The following CNTN5 variants were observed in gnomAD, a reference collection of about 807,000 sequenced individuals.
CNTN5 encodes contactin-5.
A neutral mutation model predicts 129.1 loss-of-function variants in CNTN5; 77 were observed. The observed-to-expected ratio is 0.60, with a 90% CI of 0.50 to 0.72. The LOEUF (loss-of-function observed/expected upper bound fraction) is 0.72. Ranked by LOEUF, CNTN5 falls within the 30% of genes least tolerant of loss-of-function variation. The probability of loss-of-function intolerance (pLI) is 0.00; values close to 1 mark genes in which losing one functional copy is unlikely to be tolerated. For missense variants in CNTN5, 1,478 were observed against 1,328.8 expected (o/e 1.11, Z -1.75); for synonymous variants, 509 against 465.6 (o/e 1.09, Z -1.20).
intron 16 of CNTN5, among the ~76,000 whole-genome samples, chr11:100,239,775 A>C (rs1045929921): frequency 6.6e-6 from 1 of 152,206 alleles, no homozygotes; most frequent in African/African-American, 2.4e-5. Flanking sequence ...AATCTCAAGA[A>C]AAGGAAATAT....
chr11:100,125,401 T>C (rs1946151928), intron 13 of CNTN5, among the ~76,000 whole-genome samples: 2 of 152,112 alleles, frequency 1.3e-5, no homozygotes, highest in African/African-American at 4.8e-5. Flanking sequence ...TTGCCACTTA[T>C]AAGTGAAAAC....
rs1010305807 is a variant in CNTN5 at position 100,356,344 on chromosome 11, T to C, written c.*124T>C. The stretch of plus-strand genomic sequence containing the variant: ...AGCTTTAAAAACTTGGGACTATACA[T>C]GGTGAACTTACAGGAGGTTAGGGGG... On this transcript the variant is annotated 3_prime_UTR_variant, in exon 25 of 25. Coordinates refer to ENST00000524871, the MANE Select transcript of CNTN5 (RefSeq NM_014361.4). The C allele has an allele frequency of 1.4e-6, 1 of 697,238 alleles. No homozygotes were observed. Among genetic ancestry groups the C allele is most frequent in the Admixed American group, 2.2e-5 (1 of 44,650 alleles). 43.2% of individuals were successfully genotyped at this position (697,238 alleles called of 1,614,324 possible). A position where few individuals can be genotyped will look rare whatever the true frequency, so the allele number is the denominator to read the frequency against.
At chr11:99,620,553 A>T (rs1475695193) in intron 3 of CNTN5, among the ~76,000 whole-genome samples, 1 of 150,394 alleles carries the variant, frequency 6.6e-6, no homozygotes, top group Non-Finnish European at 1.5e-5. Flanking sequence ...TGAAAAGTAA[A>T]ATGAATAAAT....
intron 1 of CNTN5, among the ~76,000 whole-genome samples, chr11:99,320,835 G>A (rs575160237): frequency 6.6e-6 from 1 of 152,164 alleles, no homozygotes; most frequent in East Asian, 1.9e-4. Context: ...ACATTATTTT[G>A]GGTGTGTCTG....
At chr11:99,498,414 G>A (rs965462265) in intron 2 of CNTN5, among the ~76,000 whole-genome samples, 1 of 152,048 alleles carries the variant, frequency 6.6e-6, no homozygotes, top group East Asian at 1.9e-4. Flanking sequence ...TATTGTAATT[G>A]TTTCCAACTA....
intron 4 of CNTN5, among the ~76,000 whole-genome samples, chr11:99,841,471 T>G (rs11828883): frequency 0.044 from 6,637 of 152,078 alleles, 370 homozygotes; most frequent in East Asian, 0.13. Flanking sequence ...GTTTTCAGCT[T>G]GCAATTAGAA....
intron 2 of CNTN5, among the ~76,000 whole-genome samples, chr11:99,407,844 G>C (rs1400643468): frequency 6.6e-6 from 1 of 152,126 alleles, no homozygotes; most frequent in Non-Finnish European, 1.5e-5. Context: ...TCTATAACAA[G>C]GGCAGCACTG....
chr11:99,957,102 T>A, intron 8 of CNTN5, 93 bp downstream of exon 8: 1 of 1,099,680 alleles, frequency 9.1e-7, no homozygotes, highest in East Asian at 2.6e-5. Flanking sequence ...ACCTGGAACT[T>A]ACAAATAAAA....
At chr11:99,950,834 A>G (rs1469605395) in intron 7 of CNTN5, among the ~76,000 whole-genome samples, 1 of 152,166 alleles carries the variant, frequency 6.6e-6, no homozygotes, top group East Asian at 1.9e-4. Context: ...GGAAAATTAA[A>G]TTACAATAAT....
chr11:100,158,285 T>C (rs1225082602), intron 13 of CNTN5, among the ~76,000 whole-genome samples: 2 of 151,774 alleles, frequency 1.3e-5, no homozygotes, highest in Non-Finnish European at 2.9e-5. Context: ...CAAATTGCAG[T>C]TGTAAGATGC....
intron 1 of CNTN5, among the ~76,000 whole-genome samples, chr11:99,042,018 G>A (rs964475232): frequency 2.0e-5 from 3 of 151,840 alleles, no homozygotes; most frequent in African/African-American, 7.3e-5. Context: ...ATTTCATGTC[G>A]AGAATATCAT....
chr11:99,927,133 G>C (rs1239904083), intron 7 of CNTN5, among the ~76,000 whole-genome samples: 1 of 152,116 alleles, frequency 6.6e-6, no homozygotes, highest in South Asian at 2.1e-4. Flanking sequence ...CTATTTTTAA[G>C]TTTTGCCTAG....
At chr11:99,319,796 G>A (rs187780087) in intron 1 of CNTN5, among the ~76,000 whole-genome samples, 8 of 152,178 alleles carry the variant, frequency 5.3e-5, no homozygotes, top group South Asian at 4.2e-4. Context: ...GAAGTAGGCC[G>A]ACAGTGAAAT....
chr11:100,308,432 C>T lies in CNTN5; in HGVS notation c.2694C>T (p.His898=). Residue 898 remains histidine, a synonymous_variant, in exon 21 of 25, where the codon CAC becomes CAT. Coordinates refer to ENST00000524871, the MANE Select transcript of CNTN5 (RefSeq NM_014361.4). Reference sequence around the variant, plus strand: ...CAGAGATTCTTGTTGCATGGAAACACATTAAAGAGAGTCTAGGAAGACCAC... The same window carrying T: ...CAGAGATTCTTGTTGCATGGAAACATATTAAAGAGAGTCTAGGAAGACCAC... ...SVSEILVAWK[H]IKESLGRPQG... is the part of the protein sequence containing the mutation. 2 of 1,610,730 alleles carry T rather than the reference C, an allele frequency of 1.2e-6. No homozygotes were observed. Among genetic ancestry groups the T allele is most frequent in the East Asian group, 2.2e-5 (1 of 44,772 alleles).
At position 99,249,726 on chromosome 11, in the gene CNTN5, A is replaced by G. The variant is rs535445477; in HGVS notation, c.-209-75620A>G. On this transcript the variant is annotated intron_variant, in intron 1 of 24. Transcript: ENST00000524871. ...AATATATATAATATATTGATACCTG[A>G]GATTTAAACCTCAGTGGAAGAATTT... 2.8e-4 allele frequency among the ~76,000 whole-genome samples: 42 copies of G among 152,078 alleles called. No homozygotes were observed. The South Asian group carries it at 8.5e-3, about 31-fold the overall frequency.
intron 1 of CNTN5, among the ~76,000 whole-genome samples, chr11:99,165,245 GT>G (rs1860816239): frequency 6.6e-6 from 1 of 152,152 alleles, no homozygotes; most frequent in African/African-American, 2.4e-5. Context: ...TGAAAGTTAA[GT>G]TTTGTTTATA....
In CNTN5 at chr11:100,299,192, G is replaced by T; in HGVS notation, c.2416G>T (p.Gly806Cys). Residue 806 changes from glycine (G) to cysteine (C), a missense_variant, in exon 20 of 25, where the codon GGC becomes TGC. Physicochemically the swap from Gly to Cys is radical, Grantham distance 159. Coordinates refer to ENST00000524871, the MANE Select transcript of CNTN5 (RefSeq NM_014361.4). The stretch of plus-strand genomic sequence containing the variant: ...ATCTGAAGAGTTTCAGAATGGGGAA[G>T]GCTTCGGCTATATTGTGGCTTTCAG... ...PVSEEFQNGEGFGYIVAFRPN... is the reference protein window; with the variant it reads ...PVSEEFQNGECFGYIVAFRPN... 2.5e-6 allele frequency: 4 copies of T among 1,607,728 alleles called. No homozygotes were observed. Among genetic ancestry groups the T allele is most frequent in the Non-Finnish European group, 3.4e-6 (4 of 1,176,130 alleles).
chr11:99,134,510 G>GA (rs146707502), intron 1 of CNTN5, among the ~76,000 whole-genome samples: 3,148 of 152,242 alleles, frequency 0.021, 128 homozygotes, highest in African/African-American at 0.072. Context: ...GTGACCATGA[G>GA]AAAATCAACA....
At chr11:99,888,119 A>G (rs1330608907) in intron 6 of CNTN5, among the ~76,000 whole-genome samples, 3 of 152,200 alleles carry the variant, frequency 2.0e-5, no homozygotes, top group Non-Finnish European at 2.9e-5. Context: ...CGTATATAGC[A>G]CTGAACACAG....
Sources: gnomAD v4.1 joint callset for allele counts (sites outside exome capture counted in the v4.1 genomes callset) on GRCh38, gnomAD v4.1.1 for gene constraint, MANE v1.5 for transcripts, NCBI Gene and HGNC (gene_info 2026-07-23, HGNC 2026-07-21) for gene names.